MAP3K9: variants seen among roughly 807,000 people sequenced by gnomAD.
MAP3K9 encodes the protein mitogen-activated protein kinase kinase kinase 9, also known as mixed lineage kinase 1 (tyr and ser/thr specificity).
In MAP3K9, 46 loss-of-function variants were observed where a neutral mutation model predicts 95.8. That is an observed-to-expected ratio of 0.48 (90% CI 0.38 to 0.61). The LOEUF (loss-of-function observed/expected upper bound fraction) is 0.61. MAP3K9 is among the 20% of genes least tolerant of loss of function. The pLI is 0.00. For synonymous variants in MAP3K9, 533 were observed against 593.8 expected (o/e 0.90, Z 1.49); for missense variants, 1,296 against 1,474.3 (o/e 0.88, Z 1.98).
intron 3 of MAP3K9, among the ~76,000 whole-genome samples, chr14:70,751,954 T>C (rs1337862819): frequency 1.3e-5 from 2 of 152,198 alleles, no homozygotes; most frequent in African/African-American, 4.8e-5. Context: ...TTATTCCCCC[T>C]AGAATGCCTT....
At chr14:70,746,381 C>G (rs1430176304) in intron 5 of MAP3K9, among the ~76,000 whole-genome samples, 2 of 152,236 alleles carry the variant, frequency 1.3e-5, no homozygotes, top group African/African-American at 4.8e-5. Flanking sequence ...CATGTTGAAT[C>G]TCCTACTTTT....
chr14:70,749,400 C>T (rs1044003270), intron 4 of MAP3K9, among the ~76,000 whole-genome samples: 17 of 152,168 alleles, frequency 1.1e-4, no homozygotes, highest in African/African-American at 4.1e-4. Context: ...TTAGCCTTCC[C>T]CCACCCACAA....
At chr14:70,797,918 C>T (rs955449903) in intron 2 of MAP3K9, among the ~76,000 whole-genome samples, 1 of 152,264 alleles carries the variant, frequency 6.6e-6, no homozygotes. Flanking sequence ...TCAACATCAG[C>T]GCCAACCATG....
At chr14:70,734,648 C>T (rs2053959955) in intron 9 of MAP3K9, 150 bp from the exon 10 acceptor site, 2 of 599,820 alleles carry the variant, frequency 3.3e-6, no homozygotes, top group Non-Finnish European at 6.0e-6. Flanking sequence ...CTTACCAAGC[C>T]CACCTGCTTC....
rs760927645 is a variant in MAP3K9 at position 70,732,945 on chromosome 14, G to A, written c.2424C>T (p.Thr808=). Residue 808 remains threonine (T), a synonymous_variant, in exon 11 of 12, where the codon ACC becomes ACT. Transcript: ENST00000554752. ...TGAAAAGCTTTCGGGATGGGGGGCT[G>A]GTGCTCCGACGAGGACGGCTGGACC... ...FQRSSRPRRS[T]SPPSRKLFKK... The A allele has an allele frequency of 4.3e-6, 7 of 1,613,948 alleles. No individual in the cohort carries two copies. The highest frequency in any genetic ancestry group is 5.1e-6 in the Non-Finnish European group (6 of 1,179,976).
chr14:70,767,540 A>G (rs2054474190), intron 2 of MAP3K9, among the ~76,000 whole-genome samples: 1 of 152,066 alleles, frequency 6.6e-6, no homozygotes, highest in Non-Finnish European at 1.5e-5. Flanking sequence ...GAGACTAGAG[A>G]AAGAGTAATA....
intron 1 of MAP3K9, among the ~76,000 whole-genome samples, chr14:70,801,814 G>A (rs745984450): frequency 8.5e-5 from 13 of 152,172 alleles, no homozygotes; most frequent in Non-Finnish European, 1.8e-4. Context: ...AGGCGATGAA[G>A]GAAATCAGGG....
intron 2 of MAP3K9, among the ~76,000 whole-genome samples, chr14:70,795,098 A>G (rs2054849745): frequency 7.0e-6 from 1 of 142,522 alleles, no homozygotes; most frequent in South Asian, 2.2e-4. Flanking sequence ...GGTTCAAGTG[A>G]TTCTCTTGCC....
chr14:70,737,160 G>A (rs1432021989), intron 8 of MAP3K9, among the ~76,000 whole-genome samples: 1 of 152,176 alleles, frequency 6.6e-6, no homozygotes, highest in Non-Finnish European at 1.5e-5. Flanking sequence ...AGAATATGAA[G>A]TATAAACGGT....
At chr14:70,766,567 C>A (rs1358432706) in intron 2 of MAP3K9, among the ~76,000 whole-genome samples, 1 of 152,304 alleles carries the variant, frequency 6.6e-6, no homozygotes, top group South Asian at 2.1e-4. Flanking sequence ...TCACTTACTA[C>A]GTAGCAGCAC....
chr14:70,765,433 C>G, intron 2 of MAP3K9: 1 of 690,802 alleles, frequency 1.4e-6, no homozygotes, highest in Non-Finnish European at 2.6e-6. Context: ...TCACTCACCA[C>G]TCACTCACCC....
intron 2 of MAP3K9, among the ~76,000 whole-genome samples, chr14:70,790,372 G>A (rs2054793869): frequency 6.6e-6 from 1 of 152,186 alleles, no homozygotes; most frequent in Non-Finnish European, 1.5e-5. Context: ...AGACATTCAT[G>A]CTTTAAGTCC....
intron 2 of MAP3K9, among the ~76,000 whole-genome samples, chr14:70,789,113 G>C (rs902136879): frequency 6.6e-6 from 1 of 152,228 alleles, no homozygotes; most frequent in Non-Finnish European, 1.5e-5. Flanking sequence ...GGCTGTAACA[G>C]ACAGGACGAG....
At chr14:70,778,706 C>T (rs2054633668) in intron 2 of MAP3K9, among the ~76,000 whole-genome samples, 1 of 152,206 alleles carries the variant, frequency 6.6e-6, no homozygotes, top group Non-Finnish European at 1.5e-5. Context: ...TATATAAAAA[C>T]AGATGTACTG....
chr14:70,735,206 C>T lies in MAP3K9; in HGVS notation c.1914-708G>A, dbSNP rs143687865. On this transcript the variant is annotated intron_variant, in intron 9 of 11. Transcript: ENST00000554752. ...CCCATATGGAAAGCCGGTAACTCTC[C>T]GAGGATACAGCCTGGGCACCCTGCC... Among the ~76,000 whole-genome samples, 297 of 152,174 alleles carry T rather than the reference C, an allele frequency of 2.0e-3. 1 individual carries two copies. Among genetic ancestry groups the T allele is most frequent in the Non-Finnish European group, 3.4e-3 (230 of 68,006 alleles).
chr14:70,773,392 T>A (rs955975583), intron 2 of MAP3K9, among the ~76,000 whole-genome samples: 8 of 152,134 alleles, frequency 5.3e-5, no homozygotes, highest in African/African-American at 1.9e-4. Context: ...TGGCAGCATA[T>A]CAGGGAAGGA....
intron 2 of MAP3K9, among the ~76,000 whole-genome samples, chr14:70,785,361 G>GT (rs1048021658): frequency 6.6e-6 from 1 of 152,132 alleles, no homozygotes; most frequent in African/African-American, 2.4e-5. Context: ...TGTATATACT[G>GT]TTTTTTCCTA....
At position 70,748,809 on chromosome 14, in the gene MAP3K9, GT is replaced by G. The variant is rs5809495; in HGVS notation, c.1326+19del. ...TTTTCTTTTCGTTCGTTTTTTTGTT[GT>G]TTTTTTTGTTTTGTTTACCTTTTCT... is the stretch of plus-strand genomic sequence containing the variant. On this transcript the variant is annotated intron_variant, in intron 5 of 11. Transcript: ENST00000554752. 4 of 1,573,554 alleles carry G rather than the reference GT, an allele frequency of 2.5e-6. No homozygotes were observed. The highest frequency in any genetic ancestry group is 1.4e-5 in the African/African-American group (1 of 72,430).
intron 2 of MAP3K9, among the ~76,000 whole-genome samples, chr14:70,772,420 C>G (rs1313727980): frequency 6.6e-6 from 1 of 152,132 alleles, no homozygotes; most frequent in Non-Finnish European, 1.5e-5. Context: ...TGACCTTTTC[C>G]TGAGCTAGAG....
Sources: allele counts gnomAD v4.1 joint callset (sites outside exome capture counted in the v4.1 genomes callset), GRCh38; gene constraint gnomAD v4.1.1; transcripts MANE v1.5; gene names NCBI Gene and HGNC (gene_info 2026-07-23, HGNC 2026-07-21).